The following TTC28 variants were observed in gnomAD, a reference collection of about 807,000 sequenced individuals.
TTC28 encodes tetratricopeptide repeat domain 28.
TTC28 carries 61 observed loss-of-function variants against 198.0 expected under a neutral mutation model. The observed-to-expected ratio is 0.31, with a 90% CI of 0.25 to 0.38. The LOEUF is 0.38. Ranked by LOEUF, TTC28 falls within the 10% of genes least tolerant of loss-of-function variation. TTC28 has a pLI of 1.00. For missense variants in TTC28, 2,678 were observed against 3,164.0 expected, an observed-to-expected ratio of 0.85 and a Z score of 3.69; for synonymous variants, 1,171 against 1,297.8, an observed-to-expected ratio of 0.90 and a Z score of 2.10.
At chr22:28,649,421 T>A (rs2051531692) in intron 1 of TTC28, among the ~76,000 whole-genome samples, 1 of 152,052 alleles carries the variant, frequency 6.6e-6, no homozygotes, top group African/African-American at 2.4e-5. Context: ...TATAAAATGA[T>A]CCAGTTCCCA....
intron 2 of TTC28, among the ~76,000 whole-genome samples, chr22:28,596,136 G>C (rs1483926003): frequency 6.6e-6 from 1 of 152,168 alleles, no homozygotes; most frequent in Non-Finnish European, 1.5e-5. Context: ...TATTAGATTA[G>C]GCAGTTATAT....
intron 2 of TTC28, among the ~76,000 whole-genome samples, chr22:28,628,718 T>C (rs774620101): frequency 2.6e-5 from 4 of 152,116 alleles, no homozygotes; most frequent in Admixed American, 6.6e-5. Context: ...GGCAGGCAGA[T>C]TGCTTGAGCT....
chr22:28,612,717 C>A (rs1157864871), intron 2 of TTC28, among the ~76,000 whole-genome samples: 1 of 152,126 alleles, frequency 6.6e-6, no homozygotes, highest in African/African-American at 2.4e-5. Flanking sequence ...ACTGAACAAC[C>A]TGATCCTGAA....
intron 1 of TTC28, among the ~76,000 whole-genome samples, chr22:28,663,117 G>A (rs887621920): frequency 2.6e-5 from 4 of 151,746 alleles, no homozygotes; most frequent in Non-Finnish European, 4.4e-5. Context: ...GCGTGGTGGC[G>A]AACGCCTGTA....
At chr22:28,234,707 G>C (rs1209328211) in intron 5 of TTC28, among the ~76,000 whole-genome samples, 1 of 152,080 alleles carries the variant, frequency 6.6e-6, no homozygotes, top group African/African-American at 2.4e-5. Context: ...ACAGAATTAG[G>C]GAGAAGCTGA....
At chr22:28,556,213 C>G (rs775921005) in intron 2 of TTC28, among the ~76,000 whole-genome samples, 34 of 152,036 alleles carry the variant, frequency 2.2e-4, no homozygotes, top group Non-Finnish European at 4.1e-4. Context: ...ACAAAATTAG[C>G]TGGGCATGGT....
intron 12 of TTC28, among the ~76,000 whole-genome samples, chr22:28,045,553 T>C (rs1939827878): frequency 6.6e-6 from 1 of 152,232 alleles, no homozygotes; most frequent in African/African-American, 2.4e-5. Flanking sequence ...ACATAGAACC[T>C]GGCACCTGCT....
intron 2 of TTC28, among the ~76,000 whole-genome samples, chr22:28,502,406 C>T (rs568545550): frequency 6.6e-6 from 1 of 151,798 alleles, no homozygotes; most frequent in South Asian, 2.1e-4. Flanking sequence ...TTTGGGAGGC[C>T]GAGGAGGCCG....
chr22:28,128,190 C>T (rs897041644), intron 6 of TTC28, among the ~76,000 whole-genome samples: 15 of 152,040 alleles, frequency 9.9e-5, no homozygotes, highest in Non-Finnish European at 1.5e-4. Context: ...CAGTGGCTCA[C>T]GCCTATAATC....
chr22:28,400,464 T>C (rs1370880368), intron 2 of TTC28, among the ~76,000 whole-genome samples: 3 of 152,204 alleles, frequency 2.0e-5, no homozygotes, highest in Non-Finnish European at 1.5e-5. Flanking sequence ...TATATTTGAA[T>C]TGAGAAAGAA....
intron 2 of TTC28, among the ~76,000 whole-genome samples, chr22:28,421,933 C>G (rs931621937): frequency 4.0e-5 from 3 of 75,372 alleles, no homozygotes; most frequent in Non-Finnish European, 8.8e-5. Context: ...GACTCCGTCT[C>G]AAAAAAAAAA....
intron 2 of TTC28, among the ~76,000 whole-genome samples, chr22:28,597,398 T>G (rs1023155578): frequency 6.6e-6 from 1 of 152,212 alleles, no homozygotes; most frequent in Non-Finnish European, 1.5e-5. Context: ...TCTCTGTTTT[T>G]TAAATCATAA....
chr22:28,657,929 A>T (rs927926934), intron 1 of TTC28, among the ~76,000 whole-genome samples: 5 of 152,202 alleles, frequency 3.3e-5, no homozygotes, highest in African/African-American at 1.2e-4. Flanking sequence ...TGGGGTTGAA[A>T]ATACAAAATT....
intron 5 of TTC28, among the ~76,000 whole-genome samples, chr22:28,181,459 T>C (rs1009367593): frequency 2.6e-5 from 4 of 152,224 alleles, no homozygotes; most frequent in Non-Finnish European, 4.4e-5. Flanking sequence ...AAACTGCATT[T>C]AGTTTCCCAG....
chr22:28,155,072 T>C (rs1177116775), intron 6 of TTC28, among the ~76,000 whole-genome samples: 1 of 152,238 alleles, frequency 6.6e-6, no homozygotes, highest in East Asian at 1.9e-4. Flanking sequence ...GTGAGCCTGA[T>C]TCAGTCTCCC....
intron 2 of TTC28, among the ~76,000 whole-genome samples, chr22:28,608,653 C>G (rs2050771720): frequency 6.6e-6 from 1 of 152,196 alleles, no homozygotes; most frequent in Non-Finnish European, 1.5e-5. Context: ...TCTCATCTGG[C>G]TGTCCTTGAG....
At chr22:28,274,735 CTT>C (rs1167731053) in intron 5 of TTC28, among the ~76,000 whole-genome samples, 1 of 152,106 alleles carries the variant, frequency 6.6e-6, no homozygotes. Context: ...AATCCCAGCA[CTT>C]TGGGGGCCGA....
At chr22:28,339,851 C>T (rs1390311973) in intron 2 of TTC28, among the ~76,000 whole-genome samples, 5 of 152,090 alleles carry the variant, frequency 3.3e-5, no homozygotes, top group East Asian at 1.9e-4. Context: ...CGTGAGGCGA[C>T]GCCTCACCCT....
intron 6 of TTC28, among the ~76,000 whole-genome samples, chr22:28,109,030 T>C (rs571790422): frequency 1.3e-5 from 2 of 152,340 alleles, no homozygotes; most frequent in Admixed American, 1.3e-4. Context: ...CCTTTTTGCA[T>C]AAGCAGCCTG....
Sources: gnomAD v4.1 joint callset for allele counts (sites outside exome capture counted in the v4.1 genomes callset) on GRCh38, gnomAD v4.1.1 for gene constraint, MANE v1.5 for transcripts, NCBI Gene and HGNC (gene_info 2026-07-23, HGNC 2026-07-21) for gene names.